Variants in TRIOBP observed in about 807,000 individuals in gnomAD.
TRIOBP encodes the protein TRIO and F-actin binding protein.
In TRIOBP, 169 loss-of-function variants were observed where a neutral mutation model predicts 238.8. The ratio of observed to expected loss-of-function variants is 0.71; its 90% CI spans 0.62 to 0.80. TRIOBP has a LOEUF of 0.80. Ranked by LOEUF, TRIOBP falls within the 30% of genes least tolerant of loss-of-function variation. The pLI is 0.00. For missense variants in TRIOBP, 2,838 were observed against 3,122.6 expected, an observed-to-expected ratio of 0.91 and a Z score of 2.17; for synonymous variants, 1,150 against 1,274.4, an observed-to-expected ratio of 0.90 and a Z score of 2.08.
chr22:37,734,308 A>G, intron 8 of TRIOBP, 91 bp from the exon 9 acceptor site: 1 of 1,232,796 alleles, frequency 8.1e-7, no homozygotes, highest in African/African-American at 1.5e-5. Context: ...GTGTGGACAC[A>G]GCCTTGACTC....
In TRIOBP at chr22:37,755,600, G is replaced by A. The variant is rs200495649; in HGVS notation, c.5628G>A (p.Arg1876=). 6.2e-7 allele frequency: 1 copy of A among 1,614,068 alleles called. No homozygotes were observed. The highest frequency in any genetic ancestry group is 2.2e-5 in the East Asian group (1 of 44,882). Residue 1876 remains arginine (R), a synonymous_variant, in exon 15 of 24, where the codon CGG becomes CGA. Coordinates refer to ENST00000644935, the MANE Select transcript of TRIOBP (RefSeq NM_001039141.3). ...TLSAMTSGIR[R]NWIEALRKTV... ...CGGCCATGACCTCAGGCATCCGGCG[G>A]AACTGGATCGAGGCTCTGAGAAAGA...
intron 3 of TRIOBP, 82 bp downstream of exon 3, chr22:37,701,561 G>T (rs944341629): frequency 4.0e-6 from 4 of 1,007,428 alleles, no homozygotes; most frequent in African/African-American, 1.6e-5. Flanking sequence ...CCGCTAACTC[G>T]CAGTTGAACC....
Position 37,735,043 on chromosome 22 carries a change from A to C in TRIOBP, c.4707A>C (p.Pro1569=), listed in dbSNP as rs1280612480. The C allele has an allele frequency of 1.2e-6, 2 of 1,608,222 alleles. No individual in the cohort carries two copies. Among genetic ancestry groups the C allele is most frequent in the Non-Finnish European group, 1.7e-6 (2 of 1,176,150 alleles). The change falls in exon 9 of 24, where the codon CCA becomes CCC. Residue 1569 remains proline, a synonymous_variant. Coordinates refer to ENST00000644935, the MANE Select transcript of TRIOBP (RefSeq NM_001039141.3). ...WRDLLGLLRA[P]GEGVWARVPS... ...ATCTGCTTGGCCTTCTCCGGGCACC[A>C]GGAGAGGGGGTCTGGGCCCGTGTCC...
In TRIOBP at chr22:37,736,930, GTC is replaced by G. The variant is rs372321477; in HGVS notation, c.5106+1490_5106+1491del. On this transcript the variant is annotated intron_variant, in intron 9 of 23. Coordinates refer to ENST00000644935, the MANE Select transcript of TRIOBP (RefSeq NM_001039141.3). ...GTGCGAGCCACCATGCCCGGCCTAA[GTC>G]TGTGCTTTTAGCCACCACGTCACAA... 2.8e-4 allele frequency among the ~76,000 whole-genome samples: 42 copies of G among 152,208 alleles called. No individual in the cohort carries two copies. The East Asian group carries it at 6.9e-3, about 25-fold the overall frequency.
chr22:37,724,587 C>T lies in TRIOBP; in HGVS notation c.2031C>T (p.Ala677=). The T allele has an allele frequency of 6.2e-7, 1 of 1,611,066 alleles. No homozygotes were observed. Among genetic ancestry groups the T allele is most frequent in the Non-Finnish European group, 8.5e-7 (1 of 1,179,324 alleles). ...IQQENPRTSC[A]LRDNPRASSP... is the part of the protein sequence containing the mutation. ...AAGAGAACCCCAGAACATCCTGTGC[C>T]CTACGGGACAATCCCAGAGCCTCCT... Residue 677 remains alanine, a synonymous_variant, in exon 7 of 24, where the codon GCC becomes GCT. Coordinates refer to ENST00000644935, the MANE Select transcript of TRIOBP (RefSeq NM_001039141.3).
intron 5 of TRIOBP, 76 bp from the exon 6 acceptor site, chr22:37,715,687 C>T (rs997243440): frequency 1.3e-6 from 2 of 1,523,006 alleles, no homozygotes; most frequent in African/African-American, 2.7e-5. Flanking sequence ...TCCTTCTGCC[C>T]CTCTCATTTG....
chr22:37,771,834 T>TC, intron 22 of TRIOBP, 98 bp downstream of exon 22: 1 of 1,042,468 alleles, frequency 9.6e-7, no homozygotes, highest in Non-Finnish European at 1.5e-6. Context: ...TCCACTCGCT[T>TC]CATCCTTCCT....
Position 37,701,491 on chromosome 22 carries a change from T to G in TRIOBP, c.114+12T>G. The G allele has an allele frequency of 6.3e-7, 1 of 1,593,090 alleles. No individual in the cohort carries two copies. The highest frequency in any genetic ancestry group is 8.6e-7 in the Non-Finnish European group (1 of 1,166,304). Reference sequence around the variant, plus strand: ...GAGCAAGATACCAGGTGGGCCAGTTTTCCACGTGGTTGGGGTGGTTTGTGA... The same window carrying G: ...GAGCAAGATACCAGGTGGGCCAGTTGTCCACGTGGTTGGGGTGGTTTGTGA... On this transcript the variant is annotated intron_variant, in intron 3 of 23. Coordinates refer to ENST00000644935, the MANE Select transcript of TRIOBP (RefSeq NM_001039141.3).
chr22:37,706,600 A>G (rs996452099), intron 3 of TRIOBP, among the ~76,000 whole-genome samples: 2 of 151,796 alleles, frequency 1.3e-5, no homozygotes, highest in African/African-American at 4.8e-5. Flanking sequence ...AGACCAGCCT[A>G]GTTAACAAAG....
chr22:37,745,017 A>T (rs1332130470), intron 11 of TRIOBP, among the ~76,000 whole-genome samples: 1 of 151,992 alleles, frequency 6.6e-6, no homozygotes, highest in Non-Finnish European at 1.5e-5. Context: ...GGCGCCTGAC[A>T]CCACGCCCGG....
chr22:37,768,902 C>A, intron 19 of TRIOBP, 126 bp from the exon 20 acceptor site: 1 of 1,323,092 alleles, frequency 7.6e-7, no homozygotes, highest in Non-Finnish European at 1.1e-6. Context: ...AGCCCCACAG[C>A]AGGCTAAAGG....
intron 15 of TRIOBP, among the ~76,000 whole-genome samples, chr22:37,756,697 C>A (rs551019393): frequency 6.6e-6 from 1 of 152,262 alleles, no homozygotes; most frequent in African/African-American, 2.4e-5. Context: ...CCACCTGCCA[C>A]ACCCACTCGG....
chr22:37,737,827 G>A (rs1924747217), intron 9 of TRIOBP, among the ~76,000 whole-genome samples: 2 of 152,286 alleles, frequency 1.3e-5, no homozygotes, highest in Non-Finnish European at 2.9e-5. Flanking sequence ...CCTGTTCATT[G>A]TCGAAGTCTT....
chr22:37,747,949 G>A (rs1925371012), intron 11 of TRIOBP, among the ~76,000 whole-genome samples: 1 of 152,210 alleles, frequency 6.6e-6, no homozygotes, highest in Non-Finnish European at 1.5e-5. Flanking sequence ...GGGGTGCTTG[G>A]AAGATGGACA....
intron 12 of TRIOBP, among the ~76,000 whole-genome samples, chr22:37,754,284 G>A (rs565916179): frequency 6.7e-4 from 102 of 152,210 alleles, no homozygotes; most frequent in Non-Finnish European, 1.1e-3. Flanking sequence ...GATGGCGGGC[G>A]CCTGTAATCC....
Position 37,713,342 on chromosome 22 carries a change from C to A in TRIOBP, c.387C>A (p.Asp129Glu), listed in dbSNP as rs762900149. 2.5e-6 allele frequency: 4 copies of A among 1,613,996 alleles called. No individual in the cohort carries two copies. Among genetic ancestry groups the A allele is most frequent in the South Asian group, 1.1e-5 (1 of 91,084 alleles). Reference sequence around the variant, plus strand: ...CCTTGTGTGGCAGCTGCAACGAGGACCCCGGCTCTGACCCCACCTCCAGCC... The same window carrying A: ...CCTTGTGTGGCAGCTGCAACGAGGAACCCGGCTCTGACCCCACCTCCAGCC... ...TTSLCGSCNEDPGSDPTSSPD... is the reference protein window; with the variant it reads ...TTSLCGSCNEEPGSDPTSSPD... Residue 129 changes from aspartate to glutamate, a missense_variant, in exon 5 of 24, where the codon GAC (aspartate) becomes GAA (glutamate). Asp to Glu is a conservative substitution (Grantham distance 45). This residue lies in a region of TRIOBP where 535 missense variants were observed against 537.3 expected (regional missense o/e 1.00). Coordinates refer to ENST00000644935, the MANE Select transcript of TRIOBP (RefSeq NM_001039141.3).
chr22:37,712,615 G>T (rs1355144855), intron 4 of TRIOBP, among the ~76,000 whole-genome samples: 2 of 151,762 alleles, frequency 1.3e-5, no homozygotes, highest in Admixed American at 1.3e-4. Flanking sequence ...GATTTCAGGT[G>T]TGAGCCACTG....
chr22:37,706,696 G>C (rs1229534771), intron 3 of TRIOBP, among the ~76,000 whole-genome samples: 1 of 151,664 alleles, frequency 6.6e-6, no homozygotes, highest in African/African-American at 2.4e-5. Context: ...GCTGAGGCAG[G>C]AGGATTGTTT....
At chr22:37,729,176 C>A (rs1924312482) in intron 7 of TRIOBP, among the ~76,000 whole-genome samples, 1 of 152,080 alleles carries the variant, frequency 6.6e-6, no homozygotes, top group African/African-American at 2.4e-5. Context: ...CCTCGGCCTC[C>A]CAAAGTGCTG....
Sources: gnomAD v4.1 joint callset for allele counts (sites outside exome capture counted in the v4.1 genomes callset) on GRCh38, gnomAD v4.1.1 for gene constraint, gnomAD v4.1.1 regional missense constraint, MANE v1.5 for transcripts, NCBI Gene and HGNC (gene_info 2026-07-23, HGNC 2026-07-21) for gene names.